LPP: variants seen among roughly 807,000 people sequenced by gnomAD.
The protein encoded by LPP is lipoma-preferred partner.
A neutral mutation model predicts 60.4 loss-of-function variants in LPP; 38 were observed. The observed-to-expected ratio is 0.63, with a 90% CI of 0.49 to 0.83. The LOEUF is 0.83. Among genes scored for constraint, LPP ranks in the 40% least tolerant of loss-of-function variants. The probability of loss-of-function intolerance (pLI) is 0.00; values close to 1 mark genes in which losing one functional copy is unlikely to be tolerated. For missense variants in LPP, 902 were observed against 783.6 expected (o/e 1.15, Z -1.80); for synonymous variants, 328 against 290.8 (o/e 1.13, Z -1.30).
At position 188,610,852 on chromosome 3, in the gene LPP, C is replaced by G. The variant is rs1843562022; in HGVS notation, c.1113+1008C>G. Among the ~76,000 whole-genome samples the G allele has an allele frequency of 6.6e-6, 1 of 152,172 alleles. No individual in the cohort carries two copies. Among genetic ancestry groups the G allele is most frequent in the Admixed American group, 6.5e-5 (1 of 15,278 alleles). On this transcript the variant is annotated intron_variant, in intron 7 of 11. Coordinates refer to ENST00000617246, the MANE Select transcript of LPP (RefSeq NM_001375462.1). This position sits in a 1 kb window ranked among gnomAD's most constrained non-coding sequence, Gnocchi z 4.4. ...CAGCCACTTGGGTTGGAAGAGTGCCCTTGCTTCTTTTCAGTTAGAACTGTG... is the reference window on the plus strand; with the variant it reads ...CAGCCACTTGGGTTGGAAGAGTGCCGTTGCTTCTTTTCAGTTAGAACTGTG...
chr3:188,529,532 A>G (rs1397757524), intron 6 of LPP, among the ~76,000 whole-genome samples: 13 of 152,228 alleles, frequency 8.5e-5, no homozygotes, highest in Non-Finnish European at 1.6e-4. Context: ...AAGGAGCTCC[A>G]TTCTCAAAAC....
At chr3:188,604,541 G>A (rs1038474503) in intron 6 of LPP, among the ~76,000 whole-genome samples, 7 of 152,036 alleles carry the variant, frequency 4.6e-5, no homozygotes, top group Non-Finnish European at 8.8e-5. Flanking sequence ...ACTATTTAGA[G>A]GTGGAGGGGC....
chr3:188,207,123 A>G (rs1014020276), intron 1 of LPP, among the ~76,000 whole-genome samples: 6 of 152,060 alleles, frequency 3.9e-5, no homozygotes, highest in African/African-American at 1.2e-4. Context: ...TCAGGCTACA[A>G]CAAACTGGCT....
rs1246069658 is a variant in LPP at position 188,877,744 on chromosome 3, A to C, written c.*3265A>C. On this transcript the variant is annotated 3_prime_UTR_variant, in exon 12 of 12. Coordinates refer to ENST00000617246, the MANE Select transcript of LPP (RefSeq NM_001375462.1). ...CATGGTGGCATGCGCTTGTTTAAAAAAACAAATAAATAAATAATCGACTCA... is the reference window on the plus strand; with the variant it reads ...CATGGTGGCATGCGCTTGTTTAAAACAACAAATAAATAAATAATCGACTCA... 2 of 204,872 alleles carry C rather than the reference A, an allele frequency of 9.8e-6. No homozygotes were observed. The highest frequency in any genetic ancestry group is 2.3e-5 in the African/African-American group (1 of 43,778). The allele number at this position is 204,872 out of a possible 1,614,324, so 12.7% of individuals were successfully genotyped here.
chr3:188,687,814 G>A (rs528339094), intron 7 of LPP, among the ~76,000 whole-genome samples: 15 of 134,334 alleles, frequency 1.1e-4, no homozygotes, highest in Admixed American at 6.6e-4. Flanking sequence ...TCGCTCTGTC[G>A]CCCAGGCTGG....
At chr3:188,407,790 T>TTTTTTTTTTTTTTTTTTG (rs1783979962) in intron 4 of LPP, among the ~76,000 whole-genome samples, 1 of 76,322 alleles carries the variant, frequency 1.3e-5, no homozygotes, top group Non-Finnish European at 2.5e-5. Context: ...GTTTGTTTGT[T>TTTTTTTTTTTTTTTTTTG]TTTTTTTTTT....
chr3:188,158,385 G>T (rs1261495919), intron 1 of LPP, among the ~76,000 whole-genome samples: 1 of 152,196 alleles, frequency 6.6e-6, no homozygotes, highest in African/African-American at 2.4e-5. Context: ...GAACCTGAGG[G>T]CAAGGGGAAG....
intron 2 of LPP, among the ~76,000 whole-genome samples, chr3:188,270,678 C>T (rs1476838023): frequency 6.6e-6 from 1 of 152,134 alleles, no homozygotes; most frequent in Non-Finnish European, 1.5e-5. Flanking sequence ...TCATAACTGG[C>T]AAAACAGGAC....
intron 2 of LPP, among the ~76,000 whole-genome samples, chr3:188,250,724 CTCTTTCTT>C (rs768358623): frequency 0.11 from 12,777 of 118,348 alleles, 793 homozygotes; most frequent in East Asian, 0.18. Flanking sequence ...CTTTCTTTCT[CTCTTTCTT>C]TCTTTCTTTC....
At chr3:188,858,964 C>T (rs1423488351) in intron 9 of LPP, among the ~76,000 whole-genome samples, 3 of 151,598 alleles carry the variant, frequency 2.0e-5, no homozygotes, top group African/African-American at 4.8e-5. Flanking sequence ...TGGTGTGTGT[C>T]GGTAGTCCCA....
rs1553796054 is a variant in LPP, at chr3:188,154,212, G to GCCGCCA, written c.-228_-227insGCCACC. ...AGCCGCCGCCGCCGCCGCCGCCGCC[G>GCCGCCA]CCACCACCACCGCCGCTGCCCCGGC... On this transcript the variant is annotated 5_prime_UTR_variant, in exon 1 of 12. Coordinates refer to ENST00000617246, the MANE Select transcript of LPP (RefSeq NM_001375462.1). Among the ~76,000 whole-genome samples the GCCGCCA allele has an allele frequency of 4.0e-5, 6 of 151,728 alleles. No homozygotes were observed. The highest frequency in any genetic ancestry group is 2.1e-4 in the South Asian group (1 of 4,814).
At chr3:188,805,876 G>T (rs1748976522) in intron 9 of LPP, among the ~76,000 whole-genome samples, 1 of 151,216 alleles carries the variant, frequency 6.6e-6, no homozygotes, top group African/African-American at 2.4e-5. Context: ...TTAAATATTT[G>T]GATATTTTTT....
intron 9 of LPP, among the ~76,000 whole-genome samples, chr3:188,863,035 A>C (rs1200885583): frequency 5.9e-5 from 9 of 152,152 alleles, no homozygotes; most frequent in African/African-American, 2.2e-4. Context: ...AATTTCTAGA[A>C]TTATCAGTGG....
intron 2 of LPP, among the ~76,000 whole-genome samples, chr3:188,229,807 C>T (rs1323846882): frequency 6.6e-6 from 1 of 152,168 alleles, no homozygotes; most frequent in Non-Finnish European, 1.5e-5. Context: ...TAGGCATGGC[C>T]TTAGGGGATC....
At chr3:188,781,043 G>T (rs931022426) in intron 9 of LPP, among the ~76,000 whole-genome samples, 1 of 152,238 alleles carries the variant, frequency 6.6e-6, no homozygotes, top group Non-Finnish European at 1.5e-5. Context: ...GAGTGAAAGG[G>T]AAGTTAGACT....
chr3:188,488,020 CTT>C lies in LPP; in HGVS notation c.306+3331_306+3332del, dbSNP rs5855202. 9.3e-3 allele frequency among the ~76,000 whole-genome samples: 1,262 copies of C among 136,290 alleles called. 16 individuals are homozygous for C. The highest frequency in any genetic ancestry group is 0.028 in the African/African-American group (1,003 of 36,382). The allele number at this position is 136,290 out of a possible 152,430, so 89.4% of individuals were successfully genotyped here. On this transcript the variant is annotated intron_variant, in intron 5 of 11. Transcript: ENST00000617246. The stretch of plus-strand genomic sequence containing the variant: ...TTCAAGTATTTGCTAAATTAATTTC[CTT>C]TTTTTTTTTTTTTTGGAAATGGGGA...
chr3:188,512,566 AAT>A (rs72175777), intron 5 of LPP, among the ~76,000 whole-genome samples: 2 of 150,318 alleles, frequency 1.3e-5, no homozygotes, highest in Middle Eastern at 3.2e-3. Context: ...TCTATAAATA[AAT>A]AAATAAATAA....
intron 7 of LPP, among the ~76,000 whole-genome samples, chr3:188,635,588 G>C (rs1454833343): frequency 1.3e-5 from 2 of 152,176 alleles, no homozygotes; most frequent in Non-Finnish European, 2.9e-5. Flanking sequence ...CTCGTGTTTT[G>C]AGGAGTGGAA....
intron 1 of LPP, among the ~76,000 whole-genome samples, chr3:188,174,166 A>T (rs1411952408): frequency 6.6e-6 from 1 of 152,208 alleles, no homozygotes. Flanking sequence ...GCTGGTGCAA[A>T]ACAAAGAAGA....
Sources: gnomAD v4.1 joint callset for allele counts (sites outside exome capture counted in the v4.1 genomes callset) on GRCh38, gnomAD v4.1.1 for gene constraint, Gnocchi (gnomAD v3.1) non-coding constraint, MANE v1.5 for transcripts, NCBI Gene and HGNC (gene_info 2026-07-23, HGNC 2026-07-21) for gene names.